Variants in SORD observed in about 807,000 individuals in gnomAD.
SORD encodes (R,R)-butanediol dehydrogenase.
SORD carries 18 observed loss-of-function variants against 35.6 expected under a neutral mutation model. The observed-to-expected ratio is 0.51, with a 90% CI of 0.35 to 0.75. The LOEUF is 0.75. SORD is among the 30% of genes least tolerant of loss of function. The pLI, the probability that SORD is intolerant of heterozygous loss-of-function variation, is 0.01. For missense variants in SORD, 250 were observed against 390.2 expected (o/e 0.64, Z 3.03); for synonymous variants, 106 against 152.9 (o/e 0.69, Z 2.26).
intron 1 of SORD, 47 bp from the exon 2 acceptor site, chr15:45,040,361 A>G (rs1331374478): frequency 9.6e-7 from 1 of 1,042,334 alleles, no homozygotes; most frequent in East Asian, 2.4e-5. Context: ...TCATAAGGTG[A>G]AGTTCTTATG....
chr15:45,038,988 C>T (rs1892920006), intron 1 of SORD, among the ~76,000 whole-genome samples: 1 of 152,208 alleles, frequency 6.6e-6, no homozygotes, highest in South Asian at 2.1e-4. Context: ...GCTTCATCCA[C>T]TCTCTGGTAG....
rs190195906 is a variant in SORD at position 45,026,078 on chromosome 15, G to A, written c.66+2729G>A. Among the ~76,000 whole-genome samples, 48 of 152,276 alleles carry A rather than the reference G, an allele frequency of 3.2e-4. No individual in the cohort carries two copies. The East Asian group carries it at 8.9e-3, about 28-fold the overall frequency. ...GAGGAGACCCACTGTGCTGCCTCAGGTGCACCTGCAGCTCAACACAGACCT... is the reference window on the plus strand; with the variant it reads ...GAGGAGACCCACTGTGCTGCCTCAGATGCACCTGCAGCTCAACACAGACCT... On this transcript the variant is annotated intron_variant, in intron 1 of 8. Coordinates refer to ENST00000267814, the MANE Select transcript of SORD (RefSeq NM_003104.6).
At position 45,068,385 on chromosome 15, in the gene SORD, G is replaced by A. The variant is rs115046951; in HGVS notation, c.610+139G>A. ...TCATATGGATTGTGGAAATATAGAA[G>A]AGTGTGAGTGTGTGTTTTGTGTTAG... is the stretch of plus-strand genomic sequence containing the variant. On this transcript the variant is annotated intron_variant, in intron 6 of 8. Coordinates refer to ENST00000267814, the MANE Select transcript of SORD (RefSeq NM_003104.6). 6.3e-4 allele frequency: 436 copies of A among 690,692 alleles called. 2 individuals are homozygous for A. The African/African-American group carries it at 7.0e-3, about 11-fold the overall frequency. 42.8% of individuals were successfully genotyped at this position (690,692 alleles called of 1,614,324 possible).
intron 1 of SORD, among the ~76,000 whole-genome samples, chr15:45,035,272 C>A (rs1566957757): frequency 6.6e-6 from 1 of 152,204 alleles, no homozygotes; most frequent in Non-Finnish European, 1.5e-5. Flanking sequence ...AGTGCGAGAT[C>A]CACTGGGTGA....
At chr15:45,040,319 A>T in intron 1 of SORD, 89 bp from the exon 2 acceptor site, 2 of 886,480 alleles carry the variant, frequency 2.3e-6, no homozygotes, top group Non-Finnish European at 3.7e-6. Context: ...TAAACTATTG[A>T]TGAAACTCTA....
chr15:45,038,788 G>T (rs1366729214), intron 1 of SORD, among the ~76,000 whole-genome samples: 1 of 152,134 alleles, frequency 6.6e-6, no homozygotes, highest in African/African-American at 2.4e-5. Context: ...GTGCGGTGGG[G>T]CTGCCTATGA....
chr15:45,067,330 A>T (rs1893423480), intron 5 of SORD, among the ~76,000 whole-genome samples: 1 of 152,242 alleles, frequency 6.6e-6, no homozygotes. Flanking sequence ...ACTGCACTCC[A>T]GCCTGGGTGA....
At chr15:45,051,304 A>G (rs1466981693) in intron 3 of SORD, among the ~76,000 whole-genome samples, 1 of 152,234 alleles carries the variant, frequency 6.6e-6, no homozygotes, top group Non-Finnish European at 1.5e-5. Context: ...ACATAATGTT[A>G]TTCACTAAAA....
At chr15:45,069,951 G>A (rs1270174963) in intron 7 of SORD, 2 of 152,226 alleles carry the variant, frequency 1.3e-5, no homozygotes, top group Non-Finnish European at 2.9e-5. Flanking sequence ...GAGGTGGTGG[G>A]AGGGAGTGTC....
rs181326554 is a variant in SORD, at chr15:45,061,047, A to G, written c.266-20A>G. On this transcript the variant is annotated intron_variant, in intron 3 of 8. Transcript: ENST00000267814. ...TGCTCCCACCCTCGGACATGGTGCC[A>G]TCTTTGTTTTCCTCTCCAGGTGATC... 1 of 1,614,058 alleles carries G rather than the reference A, an allele frequency of 6.2e-7. No homozygotes were observed. Among genetic ancestry groups the G allele is most frequent in the Non-Finnish European group, 8.5e-7 (1 of 1,179,998 alleles).
At chr15:45,041,212 C>G (rs1209786919) in intron 2 of SORD, among the ~76,000 whole-genome samples, 2 of 152,200 alleles carry the variant, frequency 1.3e-5, no homozygotes, top group Non-Finnish European at 2.9e-5. Context: ...ATGGCAGGTG[C>G]TGTGAACATT....
intron 3 of SORD, among the ~76,000 whole-genome samples, chr15:45,056,869 G>A (rs747864631): frequency 3.9e-5 from 6 of 152,198 alleles, no homozygotes; most frequent in Non-Finnish European, 7.3e-5. Flanking sequence ...CCAGTCACAG[G>A]TGTAGTAATT....
At chr15:45,056,798 A>T (rs776759743) in intron 3 of SORD, among the ~76,000 whole-genome samples, 1 of 152,228 alleles carries the variant, frequency 6.6e-6, no homozygotes, top group African/African-American at 2.4e-5. Flanking sequence ...TCCATATTTA[A>T]GCAAAGAAAA....
chr15:45,025,356 G>A (rs1776779785), intron 1 of SORD, among the ~76,000 whole-genome samples: 1 of 152,122 alleles, frequency 6.6e-6, no homozygotes, highest in Non-Finnish European at 1.5e-5. Context: ...TGTCTCTGGA[G>A]GCCAGGTGTG....
chr15:45,070,998 T>C (rs1208542025), intron 7 of SORD, among the ~76,000 whole-genome samples: 1 of 152,200 alleles, frequency 6.6e-6, no homozygotes, highest in Non-Finnish European at 1.5e-5. Context: ...TAGAATGCTA[T>C]AGGCCACCCC....
intron 1 of SORD, among the ~76,000 whole-genome samples, chr15:45,023,575 C>G (rs1282705254): frequency 6.6e-6 from 1 of 152,254 alleles, no homozygotes; most frequent in Non-Finnish European, 1.5e-5. Context: ...AGCCCCGTGG[C>G]TGGCACGTGG....
chr15:45,038,392 A>G lies in SORD; in HGVS notation c.67-2016A>G, dbSNP rs577197512. Among the ~76,000 whole-genome samples the G allele has an allele frequency of 2.0e-5, 3 of 152,288 alleles. No homozygotes were observed. In the South Asian group the frequency reaches 6.2e-4, roughly 32 times the overall value. On this transcript the variant is annotated intron_variant, in intron 1 of 8. Coordinates refer to ENST00000267814, the MANE Select transcript of SORD (RefSeq NM_003104.6). The stretch of plus-strand genomic sequence containing the variant: ...GTTTTTCCGAGTATTAAATGAGGTA[A>G]TGCCTATAAAGCACACAGTACCTGC...
At chr15:45,056,660 C>T (rs941430602) in intron 3 of SORD, among the ~76,000 whole-genome samples, 2 of 152,150 alleles carry the variant, frequency 1.3e-5, no homozygotes, top group Admixed American at 6.5e-5. Context: ...TAGGGAGTTA[C>T]CTGTTTTCAT....
chr15:45,061,239 A>G lies in SORD; in HGVS notation c.425+13A>G. 1.9e-6 allele frequency: 3 copies of G among 1,613,810 alleles called. No homozygotes were observed. Among genetic ancestry groups the G allele is most frequent in the Non-Finnish European group, 2.5e-6 (3 of 1,179,792 alleles). On this transcript the variant is annotated intron_variant, in intron 4 of 8. Coordinates refer to ENST00000267814, the MANE Select transcript of SORD (RefSeq NM_003104.6). ...CCTTTTGTTACAAGTTAGTGTCCAC[A>G]GTCCCACTGGGTCACCTGGGACCTC...
Sources: allele counts gnomAD v4.1 joint callset (sites outside exome capture counted in the v4.1 genomes callset), GRCh38; gene constraint gnomAD v4.1.1; transcripts MANE v1.5; gene names NCBI Gene and HGNC (gene_info 2026-07-23, HGNC 2026-07-21).